FHIT: variants seen among roughly 807,000 people sequenced by gnomAD.
The protein encoded by FHIT is bis(5'-adenosyl)-triphosphatase.
Under a neutral mutation model 17.9 loss-of-function variants are expected in FHIT, and 19 were observed. The observed-to-expected ratio is 1.06, with a 90% CI of 0.74 to 1.56. The LOEUF is 1.56. Ranked by LOEUF, FHIT falls within the 40% of genes most tolerant of loss-of-function variation. FHIT has a pLI of 0.00. For missense variants in FHIT, 248 were observed against 189.2 expected (o/e 1.31, Z -1.82); for synonymous variants, 81 against 69.7 (o/e 1.16, Z -0.81).
At chr3:60,090,227 G>C (rs1703672152) in intron 5 of FHIT, among the ~76,000 whole-genome samples, 2 of 151,940 alleles carry the variant, frequency 1.3e-5, no homozygotes, top group African/African-American at 4.8e-5. Flanking sequence ...CAACCAAAGA[G>C]ACTGCATGGT....
intron 8 of FHIT, among the ~76,000 whole-genome samples, chr3:59,904,886 A>G (rs1704514701): frequency 2.0e-5 from 3 of 152,214 alleles, no homozygotes. Context: ...TGAGTCTGCA[A>G]ATAAGTCTAA....
chr3:60,221,486 G>C (rs1703956333), intron 5 of FHIT, among the ~76,000 whole-genome samples: 1 of 152,118 alleles, frequency 6.6e-6, no homozygotes, highest in African/African-American at 2.4e-5. Flanking sequence ...GAAAATATCA[G>C]ATCGTATCAC....
chr3:60,153,303 T>C (rs1700544458), intron 5 of FHIT, among the ~76,000 whole-genome samples: 2 of 145,280 alleles, frequency 1.4e-5, no homozygotes, highest in African/African-American at 2.6e-5. Context: ...CTTTCTACGA[T>C]GGCATAGTTC....
Position 60,316,634 on chromosome 3 carries a change from A to G in FHIT, c.103+220226T>C, listed in dbSNP as rs557307767. 2.0e-5 allele frequency among the ~76,000 whole-genome samples: 3 copies of G among 152,326 alleles called. No homozygotes were observed. In the South Asian group the frequency reaches 6.2e-4, roughly 32 times the overall value. On this transcript the variant is annotated intron_variant, in intron 5 of 9. Transcript: ENST00000492590. Reference sequence around the variant, plus strand: ...TCTAAAGCATGCCATTTGCATTGCTACAAATTTGAATGAAATCCAGAATGT... The same window carrying G: ...TCTAAAGCATGCCATTTGCATTGCTGCAAATTTGAATGAAATCCAGAATGT...
At chr3:61,202,193 G>A (rs1045486960) in intron 1 of FHIT, among the ~76,000 whole-genome samples, 4 of 151,968 alleles carry the variant, frequency 2.6e-5, no homozygotes, top group Non-Finnish European at 4.4e-5. Context: ...TGGGAAGTGA[G>A]GAGCCCCTCT....
At chr3:60,923,307 A>G (rs1707384704) in intron 3 of FHIT, among the ~76,000 whole-genome samples, 1 of 152,182 alleles carries the variant, frequency 6.6e-6, no homozygotes, top group Non-Finnish European at 1.5e-5. Flanking sequence ...TGCCTCTGCT[A>G]CTTGCTAAAC....
intron 8 of FHIT, among the ~76,000 whole-genome samples, chr3:59,885,314 T>C (rs1156695344): frequency 2.0e-5 from 3 of 152,118 alleles, no homozygotes; most frequent in African/African-American, 4.8e-5. Context: ...GGAAGCAGCA[T>C]TGAGCACGGG....
chr3:60,930,161 A>G (rs1370130518), intron 3 of FHIT, among the ~76,000 whole-genome samples: 2 of 151,976 alleles, frequency 1.3e-5, no homozygotes, highest in African/African-American at 2.4e-5. Flanking sequence ...CTGGCTAGCC[A>G]TATGTAGAAA....
chr3:60,332,799 A>G (rs560801328), intron 5 of FHIT, among the ~76,000 whole-genome samples: 3 of 152,316 alleles, frequency 2.0e-5, no homozygotes, highest in South Asian at 4.1e-4. Flanking sequence ...TGTTCTCCAG[A>G]AACAAAGATG....
At chr3:60,136,086 A>G (rs1699804053) in intron 5 of FHIT, among the ~76,000 whole-genome samples, 1 of 152,190 alleles carries the variant, frequency 6.6e-6, no homozygotes, top group Admixed American at 6.5e-5. Flanking sequence ...AGACTTGCTC[A>G]TGACTAAATC....
intron 3 of FHIT, among the ~76,000 whole-genome samples, chr3:60,879,623 A>C (rs782436293): frequency 6.6e-6 from 1 of 152,244 alleles, no homozygotes; most frequent in Non-Finnish European, 1.5e-5. Flanking sequence ...AGTACTCTTA[A>C]GAAACTCAAC....
intron 5 of FHIT, among the ~76,000 whole-genome samples, chr3:60,359,236 T>C (rs925722207): frequency 6.6e-6 from 1 of 151,656 alleles, no homozygotes; most frequent in Admixed American, 6.6e-5. Context: ...ACTGAGAAAA[T>C]TAGATTTCCA....
intron 5 of FHIT, among the ~76,000 whole-genome samples, chr3:60,088,141 C>T: frequency 6.6e-6 from 1 of 152,126 alleles, no homozygotes; most frequent in East Asian, 1.9e-4. Flanking sequence ...AGGTGCTAGT[C>T]TCTTTTCAAC....
At chr3:60,355,224 A>G (rs563387392) in intron 5 of FHIT, among the ~76,000 whole-genome samples, 39 of 152,318 alleles carry the variant, frequency 2.6e-4, no homozygotes, top group African/African-American at 9.4e-4. Context: ...AATTACCCAA[A>G]ATTAAGTTCC....
intron 4 of FHIT, among the ~76,000 whole-genome samples, chr3:60,556,780 G>C (rs917278048): frequency 6.6e-6 from 1 of 152,258 alleles, no homozygotes; most frequent in Non-Finnish European, 1.5e-5. Context: ...GGTGTGTAAC[G>C]CTGCCTTTGT....
chr3:60,878,530 G>A (rs1264899791), intron 3 of FHIT, among the ~76,000 whole-genome samples: 3 of 151,644 alleles, frequency 2.0e-5, no homozygotes, highest in East Asian at 1.9e-4. Flanking sequence ...TAGGGTACAT[G>A]TGCACAATGT....
chr3:59,751,633 C>T, intron 9 of FHIT: 1 of 224,624 alleles, frequency 4.5e-6, no homozygotes. Flanking sequence ...AGTTAGTCAT[C>T]ATTAAGACAA....
At chr3:60,035,319 C>G (rs766301697) in intron 5 of FHIT, among the ~76,000 whole-genome samples, 1 of 152,196 alleles carries the variant, frequency 6.6e-6, no homozygotes, top group Non-Finnish European at 1.5e-5. Flanking sequence ...TCACTGCAAC[C>G]CCTGCCTCCT....
intron 4 of FHIT, among the ~76,000 whole-genome samples, chr3:60,738,228 G>A (rs2042172394): frequency 6.6e-6 from 1 of 152,206 alleles, no homozygotes; most frequent in Non-Finnish European, 1.5e-5. Context: ...ACAGAGCTGT[G>A]CGAACATGAT....
Sources: allele counts gnomAD v4.1 joint callset (sites outside exome capture counted in the v4.1 genomes callset), GRCh38; gene constraint gnomAD v4.1.1; transcripts MANE v1.5; gene names NCBI Gene and HGNC (gene_info 2026-07-23, HGNC 2026-07-21).